The following WDR43 variants were observed in gnomAD, a reference collection of about 807,000 sequenced individuals.
The protein encoded by WDR43 is WD repeat domain 43, also known as WD repeat-containing protein 43.
A neutral mutation model predicts 91.4 loss-of-function variants in WDR43; 13 were observed. The observed-to-expected ratio is 0.14, with a 90% CI of 0.09 to 0.23. The LOEUF (loss-of-function observed/expected upper bound fraction) is 0.23. WDR43 is among the 10% of genes least tolerant of loss of function. The pLI, the probability that WDR43 is intolerant of heterozygous loss-of-function variation, is 1.00. For synonymous variants in WDR43, 331 were observed against 287.9 expected (o/e 1.15, Z -1.51); for missense variants, 780 against 809.4 (o/e 0.96, Z 0.44).
At chr2:28,946,297 A>G (rs918756826) in intron 16 of WDR43, among the ~76,000 whole-genome samples, 153 bp from the exon 17 acceptor site, 1 of 152,192 alleles carries the variant, frequency 6.6e-6, no homozygotes, top group East Asian at 1.9e-4. Context: ...CAAAAAAAAA[A>G]AATAATAAAA....
chr2:28,927,148 T>C (rs1355608027), intron 9 of WDR43: 1 of 519,826 alleles, frequency 1.9e-6, no homozygotes, highest in Admixed American at 1.9e-5. Context: ...TGAGCATTTC[T>C]GGCAGAGATT....
At chr2:28,917,464 T>C (rs1670934385) in intron 5 of WDR43, among the ~76,000 whole-genome samples, 1 of 152,176 alleles carries the variant, frequency 6.6e-6, no homozygotes, top group Non-Finnish European at 1.5e-5. Context: ...TTTGAGAAAT[T>C]GACAGACTGA....
chr2:28,928,930 C>G (rs1351460164), intron 10 of WDR43, among the ~76,000 whole-genome samples: 1 of 152,176 alleles, frequency 6.6e-6, no homozygotes, highest in African/African-American at 2.4e-5. Flanking sequence ...CTGCCTCAGC[C>G]TCCCAGAGTG....
intron 11 of WDR43, among the ~76,000 whole-genome samples, chr2:28,934,961 G>A (rs1208520721): frequency 6.6e-6 from 1 of 152,180 alleles, no homozygotes; most frequent in Non-Finnish European, 1.5e-5. Context: ...CTTCTAAGGG[G>A]CAGGACCGGA....
intron 5 of WDR43, 109 bp downstream of exon 5, chr2:28,914,317 GA>G: frequency 7.8e-7 from 1 of 1,287,302 alleles, no homozygotes; most frequent in Non-Finnish European, 1.0e-6. Flanking sequence ...TCTAATGTTG[GA>G]TTTACATTGA....
At chr2:28,908,254 G>A (rs980185525) in intron 3 of WDR43, among the ~76,000 whole-genome samples, 55 of 152,250 alleles carry the variant, frequency 3.6e-4, no homozygotes, top group African/African-American at 1.3e-3. Context: ...AGACAAGTTG[G>A]CTTTGAAATA....
intron 11 of WDR43, among the ~76,000 whole-genome samples, 178 bp downstream of exon 11, chr2:28,929,888 A>T (rs896071787): frequency 6.6e-5 from 10 of 152,128 alleles, no homozygotes; most frequent in African/African-American, 2.2e-4. Flanking sequence ...TCACCAACCT[A>T]CAACGGGATT....
chr2:28,898,233 C>T (rs114923195), intron 1 of WDR43, among the ~76,000 whole-genome samples: 20 of 152,340 alleles, frequency 1.3e-4, no homozygotes, highest in African/African-American at 4.8e-4. Context: ...TAAGATGACC[C>T]TATACAGCTT....
At chr2:28,945,507 G>A (rs761964377) in intron 16 of WDR43, among the ~76,000 whole-genome samples, 2 of 152,188 alleles carry the variant, frequency 1.3e-5, no homozygotes, top group Non-Finnish European at 2.9e-5. Context: ...GTATTTCACA[G>A]AATGCCCCAC....
chr2:28,924,932 A>C, intron 7 of WDR43, 50 bp from the exon 8 acceptor site: 4 of 1,577,002 alleles, frequency 2.5e-6, no homozygotes, highest in Non-Finnish European at 3.4e-6. Context: ...GAGAGTTAGT[A>C]TGAGACGTTT....
intron 11 of WDR43, among the ~76,000 whole-genome samples, chr2:28,935,250 A>G (rs1202871432): frequency 1.3e-5 from 2 of 152,288 alleles, no homozygotes; most frequent in African/African-American, 2.4e-5. Flanking sequence ...ACGTCTAGAG[A>G]TGTTTTAATA....
chr2:28,902,291 A>G (rs954443972), intron 2 of WDR43, among the ~76,000 whole-genome samples, 167 bp downstream of exon 2: 2 of 152,222 alleles, frequency 1.3e-5, no homozygotes, highest in Admixed American at 6.5e-5. Flanking sequence ...GATAAAAGCT[A>G]TAATAGTTAA....
rs575409634 is a variant in WDR43 at position 28,923,208 on chromosome 2, A to G, written c.914+225A>G. Among the ~76,000 whole-genome samples, 13 of 152,330 alleles carry G rather than the reference A, an allele frequency of 8.5e-5. No individual in the cohort carries two copies. The South Asian group carries it at 2.1e-3, about 24-fold the overall frequency. ...GCTTTTTATGATGTATCCTTAGTAC[A>G]TGTTGGATAATTCTAATGATACATT... On this transcript the variant is annotated intron_variant, in intron 7 of 17. Coordinates refer to ENST00000407426, the MANE Select transcript of WDR43 (RefSeq NM_015131.3).
chr2:28,919,216 C>T (rs1460585088), intron 6 of WDR43, among the ~76,000 whole-genome samples: 1 of 152,154 alleles, frequency 6.6e-6, no homozygotes, highest in Non-Finnish European at 1.5e-5. Context: ...TATGATCCTG[C>T]CACTGCATTC....
chr2:28,900,909 C>T (rs911512234), intron 1 of WDR43, among the ~76,000 whole-genome samples: 1 of 151,820 alleles, frequency 6.6e-6, no homozygotes, highest in Admixed American at 6.6e-5. Flanking sequence ...ATGTAAAATC[C>T]CCCTAGGATA....
intron 14 of WDR43, among the ~76,000 whole-genome samples, chr2:28,938,792 C>A (rs1351381959): frequency 6.6e-6 from 1 of 152,142 alleles, no homozygotes; most frequent in Non-Finnish European, 1.5e-5. Context: ...GCAGTTTGTT[C>A]TTTGTGTGTT....
chr2:28,902,224 T>C, intron 2 of WDR43, 100 bp downstream of exon 2: 1 of 1,253,806 alleles, frequency 8.0e-7, no homozygotes, highest in Non-Finnish European at 1.1e-6. Flanking sequence ...ATGGGATCTG[T>C]GCAGTAGGGA....
rs145234833 is a variant in WDR43, at chr2:28,915,324, C to T, written c.746+1116C>T. 2.7e-3 allele frequency among the ~76,000 whole-genome samples: 417 copies of T among 152,186 alleles called. 8 individuals are homozygous for T. The highest frequency in any genetic ancestry group is 0.024 in the Admixed American group (373 of 15,296). On this transcript the variant is annotated intron_variant, in intron 5 of 17. Coordinates refer to ENST00000407426, the MANE Select transcript of WDR43 (RefSeq NM_015131.3). ...TGAGAAGAGCCAATGGAGATAAATT[C>T]TTTTAGTTTTAGAGGGTCTAACAAT...
chr2:28,946,589 A>G lies in WDR43; in HGVS notation c.1855-11A>G. On this transcript the variant is annotated splice_polypyrimidine_tract_variant and intron_variant, in intron 17 of 17. Transcript: ENST00000407426. ...CTTCATGAATGCTTTCCTTGTTGGT[A>G]TTTCGACTAGGATAATTGGGATGAA... The G allele has an allele frequency of 6.4e-7, 1 of 1,563,388 alleles. No homozygotes were observed. Among genetic ancestry groups the G allele is most frequent in the African/African-American group, 1.4e-5 (1 of 73,882 alleles).
Sources: gnomAD v4.1 joint callset for allele counts (sites outside exome capture counted in the v4.1 genomes callset) on GRCh38, gnomAD v4.1.1 for gene constraint, MANE v1.5 for transcripts, NCBI Gene and HGNC (gene_info 2026-07-23, HGNC 2026-07-21) for gene names.